Variants in RIMS2 observed in about 807,000 individuals in gnomAD.
The protein encoded by RIMS2 is regulating synaptic membrane exocytosis 2.
RIMS2 carries 59 observed loss-of-function variants against 174.4 expected under a neutral mutation model. That is an observed-to-expected ratio of 0.34 (90% CI 0.27 to 0.42). The LOEUF (loss-of-function observed/expected upper bound fraction) is 0.42, where lower values mean the gene tolerates loss of function less well. Ranked by LOEUF, RIMS2 falls within the 10% of genes least tolerant of loss-of-function variation. The pLI, the probability that RIMS2 is intolerant of heterozygous loss-of-function variation, is 1.00. For missense variants in RIMS2, 1,620 were observed against 1,666.3 expected, an observed-to-expected ratio of 0.97 and a Z score of 0.48; for synonymous variants, 606 against 572.5, an observed-to-expected ratio of 1.06 and a Z score of -0.84.
chr8:103,539,072 G>A (rs886292699), intron 1 of RIMS2, among the ~76,000 whole-genome samples: 1 of 152,180 alleles, frequency 6.6e-6, no homozygotes, highest in African/African-American at 2.4e-5. Flanking sequence ...AATGGCATGT[G>A]CCTTTAATCT....
At chr8:104,201,844 G>A (rs2099056437) in intron 19 of RIMS2, among the ~76,000 whole-genome samples, 1 of 152,082 alleles carries the variant, frequency 6.6e-6, no homozygotes, top group South Asian at 2.1e-4. Context: ...AATTTCAAAA[G>A]CTACAATCCA....
intron 1 of RIMS2, among the ~76,000 whole-genome samples, chr8:103,643,925 C>A (rs926340028): frequency 6.6e-6 from 1 of 151,852 alleles, no homozygotes; most frequent in Non-Finnish European, 1.5e-5. Context: ...TTCCTCAGGC[C>A]CGTTAAGCTT....
At chr8:103,610,913 T>C (rs2095346729) in intron 1 of RIMS2, among the ~76,000 whole-genome samples, 1 of 152,240 alleles carries the variant, frequency 6.6e-6, no homozygotes, top group African/African-American at 2.4e-5. Flanking sequence ...AACTCTTTTC[T>C]ATACATCTGG....
intron 1 of RIMS2, among the ~76,000 whole-genome samples, chr8:103,634,056 C>T (rs1318529519): frequency 6.6e-6 from 1 of 152,094 alleles, no homozygotes; most frequent in East Asian, 1.9e-4. Context: ...TCATCTTCTG[C>T]TAGCTTTGGG....
At chr8:103,729,083 T>G (rs924566261) in intron 2 of RIMS2, among the ~76,000 whole-genome samples, 1 of 152,136 alleles carries the variant, frequency 6.6e-6, no homozygotes, top group Non-Finnish European at 1.5e-5. Flanking sequence ...AGGGTCATAA[T>G]GGCCTCATAG....
chr8:103,719,549 T>TTA (rs1168014834), intron 2 of RIMS2, among the ~76,000 whole-genome samples: 3 of 152,218 alleles, frequency 2.0e-5, no homozygotes, highest in African/African-American at 7.2e-5. Flanking sequence ...ATTTATTACA[T>TTA]ATAAATAACC....
At chr8:104,065,583 T>C (rs1034660651) in intron 19 of RIMS2, among the ~76,000 whole-genome samples, 3 of 152,058 alleles carry the variant, frequency 2.0e-5, no homozygotes, top group African/African-American at 7.2e-5. Context: ...TCTACAAATA[T>C]AGAAAAGGAA....
At chr8:104,069,344 C>G (rs1202978819) in intron 19 of RIMS2, among the ~76,000 whole-genome samples, 1 of 151,952 alleles carries the variant, frequency 6.6e-6, no homozygotes, top group Non-Finnish European at 1.5e-5. Flanking sequence ...TGTACATATT[C>G]ACGAAGTGCT....
chr8:104,117,310 A>C (rs1349206864), intron 19 of RIMS2, among the ~76,000 whole-genome samples: 1 of 152,160 alleles, frequency 6.6e-6, no homozygotes, highest in African/African-American at 2.4e-5. Flanking sequence ...TTATAATCTA[A>C]TGTATTCACA....
intron 3 of RIMS2, among the ~76,000 whole-genome samples, chr8:103,791,980 T>C (rs1217922459): frequency 6.6e-6 from 1 of 152,134 alleles, no homozygotes; most frequent in Non-Finnish European, 1.5e-5. Context: ...TGGGACACTT[T>C]AACACCCCAC....
chr8:103,806,197 C>G (rs915282382), intron 3 of RIMS2, among the ~76,000 whole-genome samples: 1 of 152,078 alleles, frequency 6.6e-6, no homozygotes, highest in Non-Finnish European at 1.5e-5. Context: ...TTTTTTCTGT[C>G]TAAACATGTT....
intron 3 of RIMS2, 67 bp downstream of exon 6, chr8:103,766,604 A>G (rs2098174086): frequency 2.9e-6 from 3 of 1,041,242 alleles, no homozygotes; most frequent in African/African-American, 1.6e-5. Context: ...CAGAGATAAC[A>G]ATACATGAAA....
At chr8:103,757,574 A>AAAAATG (rs1289054916) in intron 2 of RIMS2, among the ~76,000 whole-genome samples, 1 of 152,170 alleles carries the variant, frequency 6.6e-6, no homozygotes, top group African/African-American at 2.4e-5. Flanking sequence ...TGGTAGGCAG[A>AAAAATG]AAAATGGCCC....
intron 2 of RIMS2, among the ~76,000 whole-genome samples, chr8:103,759,497 G>A (rs1261502679): frequency 6.6e-6 from 1 of 150,532 alleles, no homozygotes; most frequent in Non-Finnish European, 1.5e-5. Flanking sequence ...CCTGGGAGGC[G>A]GAGCTTGCAG....
intron 3 of RIMS2, among the ~76,000 whole-genome samples, chr8:103,792,210 T>A (rs1057492076): frequency 1.5e-4 from 23 of 152,136 alleles, no homozygotes; most frequent in Non-Finnish European, 3.1e-4. Flanking sequence ...ACAGAAATTA[T>A]AACAAACTGT....
chr8:104,103,259 A>G (rs1364574309), intron 19 of RIMS2, among the ~76,000 whole-genome samples: 1 of 152,202 alleles, frequency 6.6e-6, no homozygotes, highest in African/African-American at 2.4e-5. Flanking sequence ...CTACTAATAG[A>G]TACAGAATTC....
In RIMS2 at chr8:104,095,146, G is replaced by A. The variant is rs529104040; in HGVS notation, c.3334+80531G>A. 5.9e-5 allele frequency among the ~76,000 whole-genome samples: 9 copies of A among 152,204 alleles called. No individual in the cohort carries two copies. The East Asian group carries it at 1.5e-3, about 26-fold the overall frequency. On this transcript the variant is annotated intron_variant, in intron 19 of 23. Coordinates refer to ENST00000504942, the Ensembl canonical transcript of RIMS2. ...GAGTTCTTTAAAATTAACTTCTGAA[G>A]TGGCTGAAAAAAATTGAGCTTACTT...
At chr8:103,695,946 G>C (rs1014716103) in intron 1 of RIMS2, among the ~76,000 whole-genome samples, 1 of 152,072 alleles carries the variant, frequency 6.6e-6, no homozygotes, top group African/African-American at 2.4e-5. Flanking sequence ...ATATTTGGTA[G>C]TTGATTTGAC....
intron 3 of RIMS2, among the ~76,000 whole-genome samples, chr8:103,789,849 C>T (rs528217850): frequency 5.4e-5 from 8 of 148,666 alleles, no homozygotes; most frequent in South Asian, 2.1e-4. Context: ...ACCTCCCAGG[C>T]TGTAGCAATT....
Sources: gnomAD v4.1 joint callset for allele counts (sites outside exome capture counted in the v4.1 genomes callset) on GRCh38, gnomAD v4.1.1 for gene constraint, MANE v1.5 for transcripts, NCBI Gene and HGNC (gene_info 2026-07-23, HGNC 2026-07-21) for gene names.